The following RDX variants were observed in gnomAD, a reference collection of about 807,000 sequenced individuals.
The protein encoded by RDX is deafness, autosomal recessive 24.
A neutral mutation model predicts 83.7 loss-of-function variants in RDX; 32 were observed. That is an observed-to-expected ratio of 0.38 (90% CI 0.29 to 0.51). The LOEUF (loss-of-function observed/expected upper bound fraction) is 0.51. RDX is among the 20% of genes least tolerant of loss of function. RDX has a pLI of 0.87. For missense variants in RDX, 600 were observed against 689.9 expected (o/e 0.87, Z 1.46); for synonymous variants, 229 against 222.7 (o/e 1.03, Z -0.25).
chr11:110,180,036 G>T, intron 15 of RDX: 1 of 300,146 alleles, frequency 3.3e-6, no homozygotes, highest in Non-Finnish European at 6.6e-6. Context: ...TGAGTAGCTG[G>T]GACTACAGAC....
At position 110,272,922 on chromosome 11, in the gene RDX, T is replaced by C. The variant is rs1860362281; in HGVS notation, c.13-303A>G. 6.4e-6 allele frequency: 3 copies of C among 471,218 alleles called. No individual in the cohort carries two copies. In the Admixed American group the frequency reaches 7.0e-5, roughly 11 times the overall value. The allele number at this position is 471,218 out of a possible 1,614,324, so 29.2% of individuals were successfully genotyped here. A position where few individuals can be genotyped will look rare whatever the true frequency, so the allele number is the denominator to read the frequency against. On this transcript the variant is annotated intron_variant, in intron 2 of 13. Coordinates refer to ENST00000645495, the MANE Select transcript of RDX (RefSeq NM_002906.4). ...TTTCCATTATTCACCTAAGGACACG[T>C]GGATATTAAAAGGCAGAGCAAGAGC...
At chr11:110,264,694 A>G (rs1017565006) in intron 4 of RDX, 85 bp downstream of exon 4, 1 of 941,810 alleles carries the variant, frequency 1.1e-6, no homozygotes, top group Non-Finnish European at 1.6e-6. Flanking sequence ...GAAGCTTGCA[A>G]TCAGTCAGAC....
chr11:110,290,658 G>T (rs545860106), intron 1 of RDX, among the ~76,000 whole-genome samples: 1 of 152,224 alleles, frequency 6.6e-6, no homozygotes, highest in African/African-American at 2.4e-5. Context: ...CCAAATGTAC[G>T]ACTGACATCT....
chr11:110,250,131 A>T (rs553653669), intron 9 of RDX, among the ~76,000 whole-genome samples: 1 of 152,148 alleles, frequency 6.6e-6, no homozygotes. Context: ...AGAAGACGTG[A>T]GTTTAAGGGA....
chr11:110,291,424 G>A (rs1160234601), intron 1 of RDX, among the ~76,000 whole-genome samples: 1 of 152,038 alleles, frequency 6.6e-6, no homozygotes, highest in African/African-American at 2.4e-5. Flanking sequence ...TGGAAGAAAG[G>A]GCAATTCCAT....
intron 1 of RDX, among the ~76,000 whole-genome samples, chr11:110,295,308 TAAAAAA>T (rs200732024): frequency 1.6e-5 from 2 of 127,354 alleles, no homozygotes; most frequent in Non-Finnish European, 3.3e-5. Context: ...TTTAGTGTTC[TAAAAAA>T]AAAAAAAAAA....
intron 4 of RDX, among the ~76,000 whole-genome samples, chr11:110,264,508 T>C (rs535530189): frequency 5.3e-5 from 8 of 152,314 alleles, no homozygotes; most frequent in African/African-American, 1.9e-4. Flanking sequence ...TACATCAAAA[T>C]TGAAGTACTT....
At chr11:110,280,253 T>A (rs561427645) in intron 1 of RDX, among the ~76,000 whole-genome samples, 35 of 152,210 alleles carry the variant, frequency 2.3e-4, no homozygotes, top group Admixed American at 1.6e-3. Context: ...TTTTTTTTTT[T>A]ATTTTTTTAA....
intron 1 of RDX, among the ~76,000 whole-genome samples, chr11:110,284,527 T>TTA (rs1491120911): frequency 0.013 from 119 of 9,176 alleles, 1 homozygote; most frequent in African/African-American, 0.058. Flanking sequence ...ATTATTATTA[T>TTA]TTTTTTTTTT....
chr11:110,267,418 CAGT>C (rs1860091409), intron 3 of RDX, among the ~76,000 whole-genome samples: 1 of 151,774 alleles, frequency 6.6e-6, no homozygotes, highest in South Asian at 2.1e-4. Context: ...GAGGCTGAGA[CAGT>C]AGAATTGCTT....
At chr11:110,288,166 T>G (rs1861062770) in intron 1 of RDX, among the ~76,000 whole-genome samples, 1 of 152,200 alleles carries the variant, frequency 6.6e-6, no homozygotes, top group South Asian at 2.1e-4. Flanking sequence ...TTCAAGGAAA[T>G]GAAATATTCA....
At chr11:110,232,650 A>G (rs1490163633) in intron 13 of RDX, among the ~76,000 whole-genome samples, 1 of 152,130 alleles carries the variant, frequency 6.6e-6, no homozygotes, top group Non-Finnish European at 1.5e-5. Flanking sequence ...AGACAGAGTC[A>G]CTTACTATTG....
At chr11:110,269,153 T>C (rs1860189419) in intron 3 of RDX, among the ~76,000 whole-genome samples, 1 of 151,946 alleles carries the variant, frequency 6.6e-6, no homozygotes, top group East Asian at 1.9e-4. Flanking sequence ...AGTTTTGCAA[T>C]ATTGGACAGG....
intron 15 of RDX, among the ~76,000 whole-genome samples, chr11:110,186,003 C>T (rs1042538011): frequency 1.3e-5 from 2 of 152,138 alleles, no homozygotes; most frequent in African/African-American, 4.8e-5. Flanking sequence ...GGAGGGAAGC[C>T]CCCCAAACCA....
At chr11:110,295,653 AAAAAC>A (rs1555051127) in intron 1 of RDX, among the ~76,000 whole-genome samples, 1 of 150,856 alleles carries the variant, frequency 6.6e-6, no homozygotes, top group African/African-American at 2.4e-5. Context: ...AAAAAAAAAA[AAAAAC>A]AAAAATGCAC....
chr11:110,174,931 G>T (rs1026789927), exon 16 of RDX: 1 of 152,220 alleles, frequency 6.6e-6, no homozygotes, highest in Non-Finnish European at 1.5e-5. Context: ...ATATGAACTA[G>T]TGCTGTATTT....
At chr11:110,274,979 C>T (rs1860454901) in intron 2 of RDX, among the ~76,000 whole-genome samples, 1 of 152,154 alleles carries the variant, frequency 6.6e-6, no homozygotes, top group South Asian at 2.1e-4. Flanking sequence ...CCACATAATG[C>T]TGAATTGTAC....
intron 14 of RDX, among the ~76,000 whole-genome samples, chr11:110,206,570 G>A (rs988337240): frequency 1.3e-5 from 2 of 152,078 alleles, no homozygotes; most frequent in African/African-American, 2.4e-5. Context: ...GCCAGTTACT[G>A]GCAACATACT....
chr11:110,221,661 T>C (rs1054791092), intron 14 of RDX, among the ~76,000 whole-genome samples: 4 of 150,078 alleles, frequency 2.7e-5, no homozygotes, highest in East Asian at 1.9e-4. Flanking sequence ...TCAAAGTTTA[T>C]AGGCACAAGA....
Sources: allele counts gnomAD v4.1 joint callset (sites outside exome capture counted in the v4.1 genomes callset), GRCh38; gene constraint gnomAD v4.1.1; transcripts MANE v1.5; gene names NCBI Gene and HGNC (gene_info 2026-07-23, HGNC 2026-07-21).